The following LRGUK variants were observed in gnomAD, a reference collection of about 807,000 sequenced individuals.
The protein encoded by LRGUK is leucine-rich repeat and guanylate kinase domain-containing protein.
A neutral mutation model predicts 76.0 loss-of-function variants in LRGUK; 65 were observed. The ratio of observed to expected loss-of-function variants is 0.85; its 90% CI spans 0.70 to 1.05. The LOEUF (loss-of-function observed/expected upper bound fraction) is 1.05, where lower values mean the gene tolerates loss of function less well. LRGUK is among the 50% of genes least tolerant of loss of function. LRGUK has a pLI of 0.00. For missense variants in LRGUK, 758 were observed against 732.8 expected, an observed-to-expected ratio of 1.03 and a Z score of -0.40; for synonymous variants, 268 against 265.6, an observed-to-expected ratio of 1.01 and a Z score of -0.09.
rs953056965 is a variant in LRGUK at position 134,264,360 on chromosome 7, A to C, written c.*385A>C. On this transcript the variant is annotated 3_prime_UTR_variant, in exon 20 of 20. Transcript: ENST00000285928. ...CCGTGATATGCAGAGTGGCTTTCTG[A>C]TATATCCAACTGGGATTGTGCTCTT... is the stretch of plus-strand genomic sequence containing the variant. 25 of 160,172 alleles carry C rather than the reference A, an allele frequency of 1.6e-4. No individual in the cohort carries two copies. In the East Asian group the frequency reaches 2.7e-3, roughly 18 times the overall value. The allele number at this position is 160,172 out of a possible 1,614,324, so 9.9% of individuals were successfully genotyped here.
At chr7:134,243,356 T>C (rs1409497216) in intron 16 of LRGUK, among the ~76,000 whole-genome samples, 2 of 152,160 alleles carry the variant, frequency 1.3e-5, no homozygotes, top group Non-Finnish European at 2.9e-5. Flanking sequence ...TTCAGCAAGG[T>C]CTCAGGATAC....
At chr7:134,131,423 G>A (rs1797302089) in intron 1 of LRGUK, among the ~76,000 whole-genome samples, 1 of 152,236 alleles carries the variant, frequency 6.6e-6, no homozygotes, top group Non-Finnish European at 1.5e-5. Context: ...ATGTCTTACA[G>A]AGATGAGTAC....
At chr7:134,233,868 A>G (rs1563194354) in intron 16 of LRGUK, among the ~76,000 whole-genome samples, 1 of 152,196 alleles carries the variant, frequency 6.6e-6, no homozygotes, top group East Asian at 1.9e-4. Flanking sequence ...ACGGCTCTAA[A>G]CAAAGCTTGT....
chr7:134,161,045 A>C (rs7804739), intron 6 of LRGUK, among the ~76,000 whole-genome samples: 19,920 of 152,014 alleles, frequency 0.13, 1,616 homozygotes, highest in East Asian at 0.32. Flanking sequence ...ATGCCTCACT[A>C]TTCTCATGTC....
chr7:134,178,707 C>G, intron 10 of LRGUK, 98 bp downstream of exon 10: 4 of 780,122 alleles, frequency 5.1e-6, no homozygotes, highest in Non-Finnish European at 7.9e-6. Context: ...CCTTTATTTC[C>G]TATAAAGGCT....
chr7:134,129,333 C>T (rs1376389117), intron 1 of LRGUK, among the ~76,000 whole-genome samples: 1 of 109,120 alleles, frequency 9.2e-6, no homozygotes, highest in African/African-American at 3.7e-5. Context: ...TCCCTCCCTC[C>T]CTTCCTCCCT....
downstream of LRGUK, among the ~76,000 whole-genome samples, chr7:134,268,171 A>G (rs1312028920): frequency 3.3e-5 from 5 of 152,024 alleles, no homozygotes; most frequent in African/African-American, 1.2e-4. Context: ...AGGAAAATCA[A>G]TAAAACAAAA....
intron 4 of LRGUK, among the ~76,000 whole-genome samples, chr7:134,144,599 GTTTTA>G (rs1372470443): frequency 3.3e-5 from 5 of 152,134 alleles, no homozygotes; most frequent in Non-Finnish European, 2.9e-5. Flanking sequence ...TTATCTATTA[GTTTTA>G]TTTTATTTAC....
In LRGUK at chr7:134,199,982, TTATATATATATATA is replaced by T. The variant is rs71172442; in HGVS notation, c.1747+595_1747+608del. 3.6e-3 allele frequency among the ~76,000 whole-genome samples: 137 copies of T among 38,418 alleles called. 3 individuals are homozygous for T. The highest frequency in any genetic ancestry group is 5.2e-3 in the African/African-American group (54 of 10,396). 25.2% of individuals were successfully genotyped at this position (38,418 alleles called of 152,430 possible). A position where few individuals can be genotyped will look rare whatever the true frequency, so the allele number is the denominator to read the frequency against. On this transcript the variant is annotated intron_variant, in intron 14 of 15. Transcript: ENST00000645682. ...TTCTATAGATATATTCTAGAAACTT[TTATATATATATATA>T]TATATATATATATATATATATATAT...
chr7:134,177,669 G>A (rs1211214623), intron 9 of LRGUK, among the ~76,000 whole-genome samples: 1 of 152,086 alleles, frequency 6.6e-6, no homozygotes, highest in African/African-American at 2.4e-5. Context: ...ACTAATGAGG[G>A]ATTTCTTACA....
At chr7:134,220,001 C>T (rs971642895) in intron 15 of LRGUK, among the ~76,000 whole-genome samples, 9 of 151,990 alleles carry the variant, frequency 5.9e-5, no homozygotes, top group Non-Finnish European at 8.8e-5. Flanking sequence ...GTTATTTGTC[C>T]GACTCCAATA....
At chr7:134,266,676 A>C (rs943432737), downstream of LRGUK, among the ~76,000 whole-genome samples, 1 of 152,214 alleles carries the variant, frequency 6.6e-6, no homozygotes, top group Admixed American at 6.5e-5. Context: ...AAAAGATCTA[A>C]TGTTTGTGTC....
intron 16 of LRGUK, among the ~76,000 whole-genome samples, chr7:134,239,280 C>T (rs911317252): frequency 1.2e-4 from 18 of 152,334 alleles, no homozygotes; most frequent in Admixed American, 3.9e-4. Flanking sequence ...CGCAAGGAGT[C>T]GGGGAATTCC....
chr7:134,252,866 T>G (rs60069329), intron 18 of LRGUK, among the ~76,000 whole-genome samples: 6,715 of 152,260 alleles, frequency 0.044, 388 homozygotes, highest in African/African-American at 0.13. Context: ...AATTGCACTA[T>G]GTTTTTCAAT....
chr7:134,200,452 G>C (rs1443918763), intron 14 of LRGUK, among the ~76,000 whole-genome samples: 1 of 152,036 alleles, frequency 6.6e-6, no homozygotes, highest in African/African-American at 2.4e-5. Flanking sequence ...GAAAAAGACA[G>C]GTTTACAATA....
chr7:134,171,593 G>T (rs1326198778), intron 7 of LRGUK, among the ~76,000 whole-genome samples: 7 of 152,002 alleles, frequency 4.6e-5, no homozygotes, highest in Non-Finnish European at 1.0e-4. Flanking sequence ...GGAAGTCAAC[G>T]TGCTTTGGGG....
intron 19 of LRGUK, among the ~76,000 whole-genome samples, chr7:134,262,650 C>G (rs114034612): frequency 0.014 from 2,070 of 151,994 alleles, 42 homozygotes; most frequent in African/African-American, 0.046. Context: ...AAAAGATATC[C>G]CCATGGAGAA....
chr7:134,197,625 A>G (rs1462570826), intron 13 of LRGUK, among the ~76,000 whole-genome samples: 11 of 152,138 alleles, frequency 7.2e-5, no homozygotes, highest in Admixed American at 7.2e-4. Context: ...CTGTGCTGCC[A>G]TTTAACTGCA....
intron 8 of LRGUK, among the ~76,000 whole-genome samples, chr7:134,176,116 T>C (rs1216504185): frequency 6.6e-6 from 1 of 152,010 alleles, no homozygotes; most frequent in East Asian, 1.9e-4. Flanking sequence ...CTCAGCAACC[T>C]ACCACAGGAA....
Sources: gnomAD v4.1 joint callset for allele counts (sites outside exome capture counted in the v4.1 genomes callset) on GRCh38, gnomAD v4.1.1 for gene constraint, MANE v1.5 for transcripts, NCBI Gene and HGNC (gene_info 2026-07-23, HGNC 2026-07-21) for gene names.